The following FREM3 variants were observed in gnomAD, a reference collection of about 807,000 sequenced individuals.
The protein encoded by FREM3 is FRAS1-related extracellular matrix protein 3.
In FREM3, 105 loss-of-function variants were observed where a neutral mutation model predicts 129.1. The observed-to-expected ratio is 0.81, with a 90% CI of 0.69 to 0.96. FREM3 has a LOEUF of 0.96. FREM3 is among the 40% of genes least tolerant of loss of function. The pLI is 0.00. For synonymous variants in FREM3, 1,014 were observed against 1,044.9 expected (o/e 0.97, Z 0.57); for missense variants, 2,593 against 2,666.3 (o/e 0.97, Z 0.61).
At chr4:143,665,657 A>G (rs1739845633) in intron 2 of FREM3, among the ~76,000 whole-genome samples, 1 of 152,148 alleles carries the variant, frequency 6.6e-6, no homozygotes, top group African/African-American at 2.4e-5. Context: ...GAAATCCTAT[A>G]TAAAAGACAC....
At chr4:143,618,442 G>T (rs934176539) in intron 5 of FREM3, among the ~76,000 whole-genome samples, 1 of 151,766 alleles carries the variant, frequency 6.6e-6, no homozygotes, top group Admixed American at 6.6e-5. Context: ...CAACAGGGTC[G>T]GGGCCCTTCC....
rs368651126 is a variant in FREM3 at position 143,667,118 on chromosome 4, C to T, written c.5275+25995G>A. 9.2e-5 allele frequency among the ~76,000 whole-genome samples: 14 copies of T among 151,966 alleles called. No individual in the cohort carries two copies. The East Asian group carries it at 9.6e-4, about 10-fold the overall frequency. On this transcript the variant is annotated intron_variant, in intron 2 of 7. Transcript: ENST00000329798. ...TGTAATTTGATATTTCTAATAGTTGCGAAGTCACAAGTAATGCTAGTAGTA... is the reference window on the plus strand; with the variant it reads ...TGTAATTTGATATTTCTAATAGTTGTGAAGTCACAAGTAATGCTAGTAGTA...
intron 6 of FREM3, among the ~76,000 whole-genome samples, chr4:143,595,408 A>C (rs1189683264): frequency 6.6e-6 from 1 of 152,004 alleles, no homozygotes; most frequent in Non-Finnish European, 1.5e-5. Context: ...TTTTTAAAAA[A>C]TATTTTTTAC....
At position 143,695,788 on chromosome 4, in the gene FREM3, T is replaced by A. The variant is rs1740554935; in HGVS notation, c.4888A>T (p.Thr1630Ser). Residue 1630 changes from threonine to serine, a missense_variant, in exon 1 of 8, where the codon ACT becomes TCT. By Grantham distance (58) the Thr-to-Ser change is moderately conservative (BLOSUM62 1). Coordinates refer to ENST00000329798, the MANE Select transcript of FREM3 (RefSeq NM_001168235.2). The stretch of plus-strand genomic sequence containing the variant: ...GTGTCTGGTAGGACATAGAAATCAG[T>A]GTGAGTGCCGTCTGTCACAGTCAAG... The part of the protein sequence containing the change: ...FSLTVTDGTH[T>S]DFYVLPDTAL... 3 of 1,537,182 alleles carry A rather than the reference T, an allele frequency of 2.0e-6. No individual in the cohort carries two copies. The South Asian group carries it at 3.6e-5, about 18-fold the overall frequency.
In FREM3 at chr4:143,699,002, C is replaced by T; in HGVS notation, c.1674G>A (p.Gln558=). 1.3e-6 allele frequency: 2 copies of T among 1,537,304 alleles called. No homozygotes were observed. Among genetic ancestry groups the T allele is most frequent in the Non-Finnish European group, 1.7e-6 (2 of 1,146,918 alleles). The change falls in exon 1 of 8, where the codon CAG becomes CAA. Residue 558 remains glutamine, a synonymous_variant. Transcript: ENST00000329798. The surrounding 1 kb of genome is among the most constrained non-coding windows in gnomAD (Gnocchi z 4.2). The stretch of plus-strand genomic sequence containing the variant: ...GTACAAAGGGAGAGATCTGGACCAC[C>T]TGCCCTTCAGTGAGTGAGAGTCCTG... The part of the protein sequence containing the change: ...TNTGLSLTEG[Q]VVQISPFVLS...
At chr4:143,693,326 G>T in intron 1 of FREM3, 124 bp from the exon 2 acceptor site, 1 of 439,764 alleles carries the variant, frequency 2.3e-6, no homozygotes, top group African/African-American at 2.0e-5. Flanking sequence ...AATAGTGATT[G>T]AGTGAACATG....
rs1271234734 is a variant in FREM3 at position 143,624,338 on chromosome 4, C to T, written c.5423G>A (p.Ser1808Asn). The T allele has an allele frequency of 4.6e-6, 7 of 1,519,974 alleles. No homozygotes were observed. The highest frequency in any genetic ancestry group is 3.6e-5 in the South Asian group (3 of 83,512). The allele number at this position is 1,519,974 out of a possible 1,614,324, so 94.2% of individuals were successfully genotyped here. Residue 1808 changes from serine to asparagine, a missense_variant and splice_region_variant, in exon 4 of 8, where the codon AGC becomes AAC. Physicochemically the swap from Ser to Asn is conservative, Grantham distance 46 (BLOSUM62 1). Around this residue, in one of 2 missense-constraint regions of FREM3, gnomAD observed 2,276 missense variants for 2,267.2 expected, o/e 1.00. Transcript: ENST00000329798. The part of the protein sequence containing the change: ...RGYLGETSFI[S>N]IGTKDETAKK... ...TGCAGTTTCATCTTTGGTACCAATG[C>T]CTGAATAAAAATCAGAAAACTATAA...
At chr4:143,607,727 T>C (rs1308831068) in intron 6 of FREM3, among the ~76,000 whole-genome samples, 1 of 152,202 alleles carries the variant, frequency 6.6e-6, no homozygotes, top group East Asian at 1.9e-4. Context: ...TGGTTTCTTA[T>C]ATAGACGTTT....
At position 143,655,858 on chromosome 4, in the gene FREM3, A is replaced by G. The variant is rs139696369; in HGVS notation, c.5276-28098T>C. Among the ~76,000 whole-genome samples the G allele has an allele frequency of 2.4e-4, 36 of 152,278 alleles. No individual in the cohort carries two copies. The East Asian group carries it at 7.0e-3, about 29-fold the overall frequency. On this transcript the variant is annotated intron_variant, in intron 2 of 7. Transcript: ENST00000329798. ...GCAATAGCTTAAAAATTCACTGTGAATTTTGTATTCAGTTTTATCAGTGCT... is the reference window on the plus strand; with the variant it reads ...GCAATAGCTTAAAAATTCACTGTGAGTTTTGTATTCAGTTTTATCAGTGCT...
rs946217822 is a variant in FREM3, at chr4:143,595,429, C to T, written c.6029-9436G>A. Among the ~76,000 whole-genome samples, 13 of 152,114 alleles carry T rather than the reference C, an allele frequency of 8.5e-5. No individual in the cohort carries two copies. In the East Asian group the frequency reaches 1.2e-3, roughly 14 times the overall value. On this transcript the variant is annotated intron_variant, in intron 6 of 7. Coordinates refer to ENST00000329798, the MANE Select transcript of FREM3 (RefSeq NM_001168235.2). ...AAAAATATTTTTTACTTCAGTTCAA[C>T]GAACATCTATTGAGCATCCCCTATG...
rs777385846 is a variant in FREM3 at position 143,693,153 on chromosome 4, G to A, written c.5235C>T (p.Asn1745=). 22 of 1,520,186 alleles carry A rather than the reference G, an allele frequency of 1.4e-5. No individual in the cohort carries two copies. Among genetic ancestry groups the A allele is most frequent in the East Asian group, 1.2e-4 (5 of 40,404 alleles). The allele number at this position is 1,520,186 out of a possible 1,614,324, so 94.2% of individuals were successfully genotyped here. A position where few individuals can be genotyped will look rare whatever the true frequency, so the allele number is the denominator to read the frequency against. ...AGAAATAGAAGATGTCCTTTGATGC[G>A]TTGCTGCCCTCATTCAAGACATAGG... ...KISYVLNEGS[N]ASKDIFYFSV... Residue 1745 remains asparagine, a synonymous_variant, in exon 2 of 8, where the codon AAC becomes AAT. Coordinates refer to ENST00000329798, the MANE Select transcript of FREM3 (RefSeq NM_001168235.2).
intron 2 of FREM3, among the ~76,000 whole-genome samples, chr4:143,675,613 G>T (rs1441180471): frequency 5.3e-5 from 8 of 152,068 alleles, no homozygotes; most frequent in South Asian, 2.1e-4. Flanking sequence ...CTGGTTTTTT[G>T]AAAAGATCAA....
intron 6 of FREM3, 64 bp downstream of exon 6, chr4:143,611,215 C>T: frequency 6.8e-7 from 1 of 1,477,880 alleles, no homozygotes; most frequent in East Asian, 2.5e-5. Context: ...TGCCTTTCAA[C>T]TGTTGGAGGA....
In FREM3 at chr4:143,698,159, G is replaced by T. The variant is rs901494637; in HGVS notation, c.2517C>A (p.Ile839=). Residue 839 remains isoleucine (I), a synonymous_variant, in exon 1 of 8, where the codon ATC becomes ATA. Coordinates refer to ENST00000329798, the MANE Select transcript of FREM3 (RefSeq NM_001168235.2). ...PPEVTNRGFA[I]LEGGSFNLSS... ...TGAGGTTAAAGCTGCCTCCCTCTAA[G>T]ATAGCAAAGCCTCTGTTGGTGACTT... 1.2e-5 allele frequency: 19 copies of T among 1,537,340 alleles called. No homozygotes were observed. The African/African-American group carries it at 2.5e-4, about 20-fold the overall frequency.
At chr4:143,594,980 A>G (rs1279886643) in intron 6 of FREM3, among the ~76,000 whole-genome samples, 1 of 152,264 alleles carries the variant, frequency 6.6e-6, no homozygotes, top group East Asian at 1.9e-4. Flanking sequence ...ACAGCCATAG[A>G]TGTGTTTTAA....
chr4:143,699,898 G>T lies in FREM3; in HGVS notation c.778C>A (p.Pro260Thr), dbSNP rs1740661136. 6.5e-7 allele frequency: 1 copy of T among 1,536,482 alleles called. No individual in the cohort carries two copies. Among genetic ancestry groups the T allele is most frequent in the Non-Finnish European group, 8.7e-7 (1 of 1,146,798 alleles). ...ATCATGGGCACGTAGTCACGGTTGG[G>T]CGAGGAGGTGGCTGTGTGCTGATAG... is the stretch of plus-strand genomic sequence containing the variant. ...VRYQHTATSSPNRDYVPMMVE... is the reference protein window; with the variant it reads ...VRYQHTATSSTNRDYVPMMVE... The change falls in exon 1 of 8, where the codon CCC (proline) becomes ACC (threonine). Residue 260 changes from proline to threonine, a missense_variant. Physicochemically the swap from Pro to Thr is conservative, Grantham distance 38 (BLOSUM62 -1). Around this residue, in one of 2 missense-constraint regions of FREM3, gnomAD observed 2,276 missense variants for 2,267.2 expected, o/e 1.00. Transcript: ENST00000329798. The surrounding 1 kb of genome is among the most constrained non-coding windows in gnomAD (Gnocchi z 4.2).
intron 2 of FREM3, among the ~76,000 whole-genome samples, chr4:143,660,571 T>A (rs1289613006): frequency 6.6e-6 from 1 of 152,216 alleles, no homozygotes; most frequent in African/African-American, 2.4e-5. Context: ...ATGCGGGCTC[T>A]TTTTTGGTTC....
intron 2 of FREM3, among the ~76,000 whole-genome samples, chr4:143,667,253 G>A (rs1739879783): frequency 6.6e-6 from 1 of 152,026 alleles, no homozygotes; most frequent in Non-Finnish European, 1.5e-5. Flanking sequence ...TCTATATACA[G>A]ATCTCTTAAA....
chr4:143,598,332 G>A (rs929271240), intron 6 of FREM3, among the ~76,000 whole-genome samples: 2 of 152,182 alleles, frequency 1.3e-5, no homozygotes, highest in African/African-American at 4.8e-5. Context: ...TGTAATATCA[G>A]CTTGGAGCTG....
Sources: allele counts gnomAD v4.1 joint callset (sites outside exome capture counted in the v4.1 genomes callset), GRCh38; gene constraint gnomAD v4.1.1; regional missense constraint gnomAD v4.1.1; non-coding constraint Gnocchi (gnomAD v3.1); transcripts MANE v1.5; gene names NCBI Gene and HGNC (gene_info 2026-07-23, HGNC 2026-07-21).